ANKRD6: variants seen among roughly 807,000 people sequenced by gnomAD.
ANKRD6 encodes the protein ankyrin repeat domain-containing protein 6.
In ANKRD6, 56 loss-of-function variants were observed where a neutral mutation model predicts 82.3. That is an observed-to-expected ratio of 0.68 (90% CI 0.55 to 0.85). The LOEUF is 0.85. Ranked by LOEUF, ANKRD6 falls within the 40% of genes least tolerant of loss-of-function variation. The pLI is 0.00. For missense variants in ANKRD6, 852 were observed against 907.6 expected (o/e 0.94, Z 0.79); for synonymous variants, 347 against 352.1 (o/e 0.99, Z 0.16).
chr6:89,523,191 C>G (rs1782078158), intron 1 of ANKRD6, among the ~76,000 whole-genome samples: 1 of 152,192 alleles, frequency 6.6e-6, no homozygotes, highest in South Asian at 2.1e-4. Flanking sequence ...GTGGCACTAT[C>G]AACTCTCAGG....
At chr6:89,544,257 G>T (rs995525836) in intron 1 of ANKRD6, among the ~76,000 whole-genome samples, 1 of 152,166 alleles carries the variant, frequency 6.6e-6, no homozygotes, top group African/African-American at 2.4e-5. Flanking sequence ...TGCTCAGGCC[G>T]CAAGGAGCCA....
rs138257458 is a variant in ANKRD6, at chr6:89,478,962, T to C, written c.-144+45587T>C. Among the ~76,000 whole-genome samples the C allele has an allele frequency of 5.4e-3, 815 of 152,246 alleles. 8 individuals are homozygous for C. Among genetic ancestry groups the C allele is most frequent in the African/African-American group, 0.018 (732 of 41,548 alleles). On this transcript the variant is annotated intron_variant, in intron 1 of 15. Coordinates refer to ENST00000339746, the MANE Select transcript of ANKRD6 (RefSeq NM_001242809.2). ...ACACCTTTATTTCAGATTTCTAGCA[T>C]CCAGAACTGTGAGACAGTAAGTCTC...
At chr6:89,471,104 C>G (rs753534495) in intron 1 of ANKRD6, among the ~76,000 whole-genome samples, 6 of 151,930 alleles carry the variant, frequency 3.9e-5, no homozygotes, top group Non-Finnish European at 1.5e-5. Context: ...TTCTGGGGAC[C>G]TGAGCCTAAA....
chr6:89,596,257 T>C (rs1239499857), intron 3 of ANKRD6, among the ~76,000 whole-genome samples: 2 of 152,138 alleles, frequency 1.3e-5, no homozygotes, highest in African/African-American at 4.8e-5. Context: ...ACTTCCTGTC[T>C]ATTATTCAAG....
At chr6:89,538,333 G>A (rs1161502200) in intron 1 of ANKRD6, among the ~76,000 whole-genome samples, 1 of 152,140 alleles carries the variant, frequency 6.6e-6, no homozygotes, top group East Asian at 1.9e-4. Flanking sequence ...GAAAAGTATA[G>A]AAATTGACAG....
rs944322113 is a variant in ANKRD6 at position 89,616,238 on chromosome 6, G to A, written c.616-321G>A. ...CTAGCCTGCCTGCCCCAGGCCTCCTGCCTGTCCTCCTGTCCTCGTGAGGCT... is the reference window on the plus strand; with the variant it reads ...CTAGCCTGCCTGCCCCAGGCCTCCTACCTGTCCTCCTGTCCTCGTGAGGCT... On this transcript the variant is annotated intron_variant, in intron 7 of 15. Coordinates refer to ENST00000339746, the MANE Select transcript of ANKRD6 (RefSeq NM_001242809.2). Among the ~76,000 whole-genome samples the A allele has an allele frequency of 2.0e-5, 3 of 152,220 alleles. No individual in the cohort carries two copies. The South Asian group carries it at 6.2e-4, about 32-fold the overall frequency.
chr6:89,621,631 A>G (rs1483799567), intron 9 of ANKRD6: 2 of 376,558 alleles, frequency 5.3e-6, no homozygotes, highest in Non-Finnish European at 1.0e-5. Flanking sequence ...GTCTCTGTGC[A>G]TGTAGTTGGC....
At chr6:89,449,132 T>C (rs1424265328) in intron 1 of ANKRD6, among the ~76,000 whole-genome samples, 2 of 152,170 alleles carry the variant, frequency 1.3e-5, no homozygotes, top group African/African-American at 4.8e-5. Context: ...GAAAATCTTT[T>C]GGAAAGGATT....
intron 2 of ANKRD6, among the ~76,000 whole-genome samples, chr6:89,572,828 T>C (rs1370668740): frequency 6.6e-6 from 1 of 152,232 alleles, no homozygotes; most frequent in Admixed American, 6.5e-5. Flanking sequence ...TTTGACCATA[T>C]ACATGAAGGT....
At position 89,500,972 on chromosome 6, in the gene ANKRD6, CT is replaced by C. The variant is rs35877637; in HGVS notation, c.-143-65842del. On this transcript the variant is annotated intron_variant, in intron 1 of 15. Coordinates refer to ENST00000339746, the MANE Select transcript of ANKRD6 (RefSeq NM_001242809.2). The stretch of plus-strand genomic sequence containing the variant: ...CAGAAGAGGACTGTCCCCAATTAGT[CT>C]TTTTTTTTTTTTTTTTTTTCTAGCA... 8.1e-3 allele frequency among the ~76,000 whole-genome samples: 986 copies of C among 121,826 alleles called. 4 individuals are homozygous for C. The highest frequency in any genetic ancestry group is 0.019 in the African/African-American group (630 of 32,996). 79.9% of individuals were successfully genotyped at this position (121,826 alleles called of 152,430 possible).
chr6:89,626,974 G>T (rs1805893519), intron 13 of ANKRD6, among the ~76,000 whole-genome samples: 1 of 152,220 alleles, frequency 6.6e-6, no homozygotes, highest in Non-Finnish European at 1.5e-5. Flanking sequence ...TTTTAAAGTG[G>T]GGTTGGGGAA....
intron 1 of ANKRD6, among the ~76,000 whole-genome samples, chr6:89,538,381 C>T (rs984914295): frequency 2.6e-5 from 4 of 152,164 alleles, no homozygotes; most frequent in Admixed American, 2.6e-4. Context: ...GACATTGCTG[C>T]AACATCCAAG....
At chr6:89,598,507 T>G (rs9344948) in intron 3 of ANKRD6, 629,178 of 821,110 alleles carry the variant, frequency 0.77, 246,157 homozygotes, top group Non-Finnish European at 0.8. Flanking sequence ...CATGGGGGTG[T>G]TTCCTCTTGA....
At chr6:89,445,271 T>C (rs189660148) in intron 1 of ANKRD6, among the ~76,000 whole-genome samples, 1,672 of 138,556 alleles carry the variant, frequency 0.012, 41 homozygotes, top group African/African-American at 0.043. Flanking sequence ...TTTCTTTTTT[T>C]TTTTTTTTTT....
chr6:89,474,399 A>T (rs1261075736), intron 1 of ANKRD6, among the ~76,000 whole-genome samples: 1 of 152,244 alleles, frequency 6.6e-6, no homozygotes, highest in African/African-American at 2.4e-5. Context: ...AACAGAGGTC[A>T]TAAAGGCATT....
intron 1 of ANKRD6, among the ~76,000 whole-genome samples, chr6:89,534,611 C>G (rs1325057981): frequency 4.6e-5 from 7 of 152,142 alleles, no homozygotes; most frequent in Non-Finnish European, 1.0e-4. Flanking sequence ...CTCATCCATT[C>G]ATCCATCTGT....
At chr6:89,570,237 T>TA (rs1016632794) in intron 2 of ANKRD6, among the ~76,000 whole-genome samples, 5 of 152,096 alleles carry the variant, frequency 3.3e-5, no homozygotes, top group African/African-American at 1.2e-4. Flanking sequence ...TGCACACTGT[T>TA]AATTGTTAAG....
Position 89,631,772 on chromosome 6 carries a change from A to T in ANKRD6, c.*768A>T, listed in dbSNP as rs548990307. ...CAGATTAATGGAAAAAAATTCATGT[A>T]ACAATTACCTGAAAATTTATAACCT... is the stretch of plus-strand genomic sequence containing the variant. On this transcript the variant is annotated 3_prime_UTR_variant, in exon 16 of 16. Transcript: ENST00000339746. 1.8e-4 allele frequency: 28 copies of T among 152,344 alleles called. No individual in the cohort carries two copies. The highest frequency in any genetic ancestry group is 3.4e-3 in the Middle Eastern group (1 of 292). The allele number at this position is 152,344 out of a possible 1,614,324, so 9.4% of individuals were successfully genotyped here. A position where few individuals can be genotyped will look rare whatever the true frequency, so the allele number is the denominator to read the frequency against.
At chr6:89,594,015 T>C (rs2128147334) in intron 2 of ANKRD6, among the ~76,000 whole-genome samples, 1 of 152,324 alleles carries the variant, frequency 6.6e-6, no homozygotes, top group South Asian at 2.1e-4. Context: ...CACGCTGTGT[T>C]CTGCAACCTC....
Sources: gnomAD v4.1 joint callset for allele counts (sites outside exome capture counted in the v4.1 genomes callset) on GRCh38, gnomAD v4.1.1 for gene constraint, MANE v1.5 for transcripts, NCBI Gene and HGNC (gene_info 2026-07-23, HGNC 2026-07-21) for gene names.